CDH13: variants seen among roughly 807,000 people sequenced by gnomAD.
CDH13 encodes cadherin-13.
Under a neutral mutation model 63.8 loss-of-function variants are expected in CDH13, and 24 were observed. That is an observed-to-expected ratio of 0.38 (90% CI 0.27 to 0.53). CDH13 has a LOEUF of 0.53. Among genes scored for constraint, CDH13 ranks in the 20% least tolerant of loss-of-function variants. The pLI, the probability that CDH13 is intolerant of heterozygous loss-of-function variation, is 0.85. For synonymous variants in CDH13, 503 were observed against 355.3 expected (o/e 1.42, Z -4.67); for missense variants, 1,049 against 903.1 (o/e 1.16, Z -2.07).
chr16:82,865,042 T>C (rs577594565), intron 2 of CDH13, among the ~76,000 whole-genome samples: 1 of 152,352 alleles, frequency 6.6e-6, no homozygotes, highest in East Asian at 1.9e-4. Flanking sequence ...AATGATCTTC[T>C]TTGACTCTGT....
chr16:83,303,772 A>G (rs187107327), intron 5 of CDH13, among the ~76,000 whole-genome samples: 35 of 152,278 alleles, frequency 2.3e-4, no homozygotes, highest in Non-Finnish European at 3.7e-4. Flanking sequence ...AAAGAGCCAT[A>G]TTTTGGAGTG....
At chr16:83,234,627 G>A (rs1222611195) in intron 5 of CDH13, among the ~76,000 whole-genome samples, 1 of 152,170 alleles carries the variant, frequency 6.6e-6, no homozygotes, top group East Asian at 1.9e-4. Context: ...TCACTTAGAA[G>A]TTAAGTCTCC....
intron 2 of CDH13, among the ~76,000 whole-genome samples, chr16:82,946,799 A>T (rs1904772771): frequency 6.6e-6 from 1 of 152,218 alleles, no homozygotes; most frequent in South Asian, 2.1e-4. Context: ...ATGGTTCACT[A>T]ACATAAATAC....
At chr16:83,529,952 G>A (rs757035064) in intron 7 of CDH13, among the ~76,000 whole-genome samples, 1 of 152,158 alleles carries the variant, frequency 6.6e-6, no homozygotes. Context: ...TTAAGTAGGA[G>A]TGCAAAAGAA....
intron 7 of CDH13, among the ~76,000 whole-genome samples, chr16:83,557,943 G>T (rs1008731061): frequency 2.6e-5 from 4 of 152,144 alleles, no homozygotes; most frequent in African/African-American, 9.7e-5. Flanking sequence ...AGGGTCTATA[G>T]ATCCGTCACT....
chr16:82,938,565 G>A (rs921532273), intron 2 of CDH13, among the ~76,000 whole-genome samples: 5 of 152,176 alleles, frequency 3.3e-5, no homozygotes, highest in African/African-American at 1.2e-4. Context: ...GGCCACCGTT[G>A]TCCAGAGTCT....
intron 3 of CDH13, among the ~76,000 whole-genome samples, chr16:83,054,614 C>G (rs2030731091): frequency 6.6e-6 from 1 of 152,112 alleles, no homozygotes; most frequent in African/African-American, 2.4e-5. Context: ...GTAATATTTT[C>G]AGACTGCAAT....
intron 6 of CDH13, among the ~76,000 whole-genome samples, chr16:83,456,201 C>T (rs1055310477): frequency 6.6e-6 from 1 of 152,246 alleles, no homozygotes; most frequent in Non-Finnish European, 1.5e-5. Context: ...CAGACACATT[C>T]CCTGCTCTGG....
intron 6 of CDH13, among the ~76,000 whole-genome samples, chr16:83,443,735 A>AATATATAT (rs1192288855): frequency 4.5e-4 from 9 of 20,132 alleles, no homozygotes; most frequent in African/African-American, 1.0e-3. Flanking sequence ...AAAAAAAAAA[A>AATATATAT]ATATATATAT....
intron 2 of CDH13, among the ~76,000 whole-genome samples, chr16:82,896,047 C>G (rs578167525): frequency 3.5e-4 from 54 of 152,246 alleles, no homozygotes; most frequent in Admixed American, 9.2e-4. Flanking sequence ...TCTTCACTGC[C>G]TACTTTAAGG....
At chr16:82,980,619 A>C (rs1910136517) in intron 2 of CDH13, among the ~76,000 whole-genome samples, 1 of 152,190 alleles carries the variant, frequency 6.6e-6, no homozygotes, top group South Asian at 2.1e-4. Context: ...CAATCTAGGA[A>C]GATAAGTTAT....
intron 9 of CDH13, among the ~76,000 whole-genome samples, chr16:83,673,092 A>G (rs1019930813): frequency 3.3e-5 from 5 of 152,360 alleles, no homozygotes; most frequent in Admixed American, 2.6e-4. Flanking sequence ...CATACATAGT[A>G]CATTCATATA....
intron 10 of CDH13, among the ~76,000 whole-genome samples, chr16:83,714,523 T>G (rs529604213): frequency 6.6e-6 from 1 of 152,312 alleles, no homozygotes; most frequent in African/African-American, 2.4e-5. Context: ...AAACATTCAG[T>G]AACTAACCAT....
intron 1 of CDH13, among the ~76,000 whole-genome samples, chr16:82,679,346 A>T (rs1259663520): frequency 6.6e-6 from 1 of 152,178 alleles, no homozygotes; most frequent in African/African-American, 2.4e-5. Context: ...TGTTATATCC[A>T]TGGCTGGGGA....
At chr16:83,335,891 A>G (rs2090583624) in intron 5 of CDH13, among the ~76,000 whole-genome samples, 1 of 152,094 alleles carries the variant, frequency 6.6e-6, no homozygotes, top group African/African-American at 2.4e-5. Context: ...TTGGCTCTTG[A>G]GACAGGAATC....
At chr16:83,249,932 C>A (rs1259755027) in intron 5 of CDH13, among the ~76,000 whole-genome samples, 3 of 152,168 alleles carry the variant, frequency 2.0e-5, no homozygotes, top group East Asian at 1.9e-4. Flanking sequence ...ACTTTAAATT[C>A]TTTCTACAAA....
chr16:83,627,496 G>A, intron 8 of CDH13, among the ~76,000 whole-genome samples: 1 of 152,126 alleles, frequency 6.6e-6, no homozygotes, highest in Non-Finnish European at 1.5e-5. Flanking sequence ...TCCTCATCTG[G>A]AGTATCCACA....
chr16:83,700,890 TA>T (rs1416514745), intron 10 of CDH13, among the ~76,000 whole-genome samples: 4 of 152,316 alleles, frequency 2.6e-5, no homozygotes, highest in African/African-American at 4.8e-5. Flanking sequence ...GAGTTGTGTT[TA>T]TTTTTTTTAA....
intron 3 of CDH13, among the ~76,000 whole-genome samples, chr16:83,066,992 A>G (rs549977080): frequency 6.6e-6 from 1 of 152,276 alleles, no homozygotes; most frequent in East Asian, 1.9e-4. Flanking sequence ...TGCCTCTAGG[A>G]TGAGTACTGC....
Sources: gnomAD v4.1 joint callset for allele counts (sites outside exome capture counted in the v4.1 genomes callset) on GRCh38, gnomAD v4.1.1 for gene constraint, MANE v1.5 for transcripts, NCBI Gene and HGNC (gene_info 2026-07-23, HGNC 2026-07-21) for gene names.